PPP2R2B: variants seen among roughly 807,000 people sequenced by gnomAD.
The protein encoded by PPP2R2B is protein phosphatase 2 regulatory subunit Bbeta.
A neutral mutation model predicts 46.0 loss-of-function variants in PPP2R2B; 5 were observed. That is an observed-to-expected ratio of 0.11 (90% CI 0.06 to 0.23). The LOEUF (loss-of-function observed/expected upper bound fraction) is 0.23. Among genes scored for constraint, PPP2R2B ranks in the 10% least tolerant of loss-of-function variants. The pLI, the probability that PPP2R2B is intolerant of heterozygous loss-of-function variation, is 1.00. For synonymous variants in PPP2R2B, 215 were observed against 206.7 expected, an observed-to-expected ratio of 1.04 and a Z score of -0.34; for missense variants, 367 against 575.0, an observed-to-expected ratio of 0.64 and a Z score of 3.70.
intron 2 of PPP2R2B, among the ~76,000 whole-genome samples, chr5:146,717,299 C>G (rs1470783380): frequency 2.6e-5 from 4 of 152,190 alleles, no homozygotes; most frequent in Non-Finnish European, 5.9e-5. Context: ...TCCAAGGACT[C>G]TATTTTTGGG....
chr5:146,602,782 A>G (rs1771908478), intron 7 of PPP2R2B, among the ~76,000 whole-genome samples: 1 of 152,184 alleles, frequency 6.6e-6, no homozygotes, highest in African/African-American at 2.4e-5. Flanking sequence ...ACAGAAAAAC[A>G]TGGCTTATTA....
In PPP2R2B at chr5:146,829,495, A is replaced by G. The variant is rs184021794; in HGVS notation, c.70+48507T>C. ...AAATCACATTGTTCTTCTGAAGCCA[A>G]GCACAGCTAAAGGCAAGAGGCACAG... On this transcript the variant is annotated intron_variant, in intron 2 of 9. Coordinates refer to ENST00000394411, the MANE Select transcript of PPP2R2B (RefSeq NM_181675.4). Among the ~76,000 whole-genome samples the G allele has an allele frequency of 2.5e-4, 38 of 152,330 alleles. 1 individual carries two copies. Among genetic ancestry groups the G allele is most frequent in the Admixed American group, 1.8e-3 (27 of 15,304 alleles).
At chr5:147,072,576 C>T (rs75399437) in intron 2 of PPP2R2B, among the ~76,000 whole-genome samples, 7,573 of 152,098 alleles carry the variant, frequency 0.05, 334 homozygotes, top group African/African-American at 0.11. Flanking sequence ...TTTCCTCCAC[C>T]GTAAAATGGG....
intron 3 of PPP2R2B, among the ~76,000 whole-genome samples, chr5:146,698,432 A>G (rs1779334527): frequency 6.7e-6 from 1 of 149,900 alleles, no homozygotes; most frequent in Non-Finnish European, 1.5e-5. Flanking sequence ...ATTAAAATAG[A>G]ACAAAATTTT....
intron 1 of PPP2R2B, among the ~76,000 whole-genome samples, chr5:146,920,151 G>A (rs1250926370): frequency 1.3e-5 from 2 of 152,146 alleles, no homozygotes; most frequent in Non-Finnish European, 2.9e-5. Context: ...TACATTATAG[G>A]AATTATTTGG....
intron 1 of PPP2R2B, among the ~76,000 whole-genome samples, chr5:147,011,401 T>C (rs1052176291): frequency 6.6e-6 from 1 of 152,170 alleles, no homozygotes; most frequent in African/African-American, 2.4e-5. Context: ...TCACCATATA[T>C]ATCACAAATA....
intron 2 of PPP2R2B, among the ~76,000 whole-genome samples, chr5:146,744,442 C>A (rs1753054760): frequency 6.6e-6 from 1 of 152,212 alleles, no homozygotes; most frequent in Non-Finnish European, 1.5e-5. Flanking sequence ...AGAATTCATT[C>A]TCTTTCCTCC....
intron 5 of PPP2R2B, among the ~76,000 whole-genome samples, chr5:146,678,232 C>G (rs372466920): frequency 6.6e-6 from 1 of 152,012 alleles, no homozygotes; most frequent in East Asian, 1.9e-4. Flanking sequence ...GCAAGGCTGG[C>G]TCAATATACG....
intron 2 of PPP2R2B, among the ~76,000 whole-genome samples, chr5:146,867,213 CTGTAGTAAGATT>C (rs1331020131): frequency 2.4e-4 from 36 of 152,124 alleles, no homozygotes; most frequent in African/African-American, 8.4e-4. Context: ...TAGAAGTATT[CTGTAGTAAGATT>C]GCTTCTGCGA....
intron 6 of PPP2R2B, among the ~76,000 whole-genome samples, chr5:146,648,027 C>T (rs1775700535): frequency 6.6e-6 from 1 of 152,196 alleles, no homozygotes; most frequent in African/African-American, 2.4e-5. Context: ...CGGTTGAGTG[C>T]TCTCCATGGT....
chr5:146,727,423 T>C (rs1751944607), intron 2 of PPP2R2B, among the ~76,000 whole-genome samples: 1 of 152,142 alleles, frequency 6.6e-6, no homozygotes, highest in Admixed American at 6.6e-5. Context: ...ATAAAGCTAA[T>C]TAACATAACT....
chr5:146,677,015 A>G (rs1777772157), intron 5 of PPP2R2B, among the ~76,000 whole-genome samples: 1 of 150,724 alleles, frequency 6.6e-6, no homozygotes, highest in African/African-American at 2.5e-5. Flanking sequence ...TTCTATCTTA[A>G]TCTCTAACCT....
At chr5:146,955,436 A>G (rs1751846939) in intron 1 of PPP2R2B, among the ~76,000 whole-genome samples, 1 of 152,176 alleles carries the variant, frequency 6.6e-6, no homozygotes. Flanking sequence ...ATTCAGTTAT[A>G]CAATGTTTTA....
intron 2 of PPP2R2B, among the ~76,000 whole-genome samples, chr5:146,867,292 T>C (rs1191708778): frequency 1.3e-5 from 2 of 152,202 alleles, no homozygotes; most frequent in Non-Finnish European, 2.9e-5. Flanking sequence ...TCTTTGTCAT[T>C]TGGGGGACAG....
intron 1 of PPP2R2B, among the ~76,000 whole-genome samples, chr5:146,976,835 T>A (rs948193975): frequency 1.3e-5 from 2 of 152,198 alleles, no homozygotes; most frequent in Admixed American, 6.5e-5. Flanking sequence ...AATTTTACTA[T>A]GAATTTTTAG....
intron 2 of PPP2R2B, among the ~76,000 whole-genome samples, chr5:146,719,208 G>T (rs1247721311): frequency 4.6e-5 from 7 of 152,074 alleles, no homozygotes; most frequent in African/African-American, 1.4e-4. Context: ...CTCTCTCTCT[G>T]CCCCCTACTT....
At chr5:146,706,068 T>TC (rs1779825706) in intron 2 of PPP2R2B, among the ~76,000 whole-genome samples, 1 of 152,072 alleles carries the variant, frequency 6.6e-6, no homozygotes, top group South Asian at 2.1e-4. Context: ...GGCAGTGAAC[T>TC]CCCCCGCGGG....
intron 2 of PPP2R2B, among the ~76,000 whole-genome samples, chr5:146,869,890 A>C (rs1277045068): frequency 6.6e-6 from 1 of 152,198 alleles, no homozygotes; most frequent in East Asian, 1.9e-4. Context: ...CTACATAAGC[A>C]ATGTTAGTTT....
rs1022054358 is a variant in PPP2R2B, at chr5:147,051,257, C to A, written c.79+4408G>T. ...CTCTACCACTTCACTAGCTGTGGTT[C>A]TGAATAGGTTGCGTCTGAGTCAGTT... is the stretch of plus-strand genomic sequence containing the variant. On this transcript the variant is annotated intron_variant, in intron 1 of 8. Coordinates refer to the PPP2R2B transcript ENST00000336640. Among the ~76,000 whole-genome samples, 4 of 152,136 alleles carry A rather than the reference C, an allele frequency of 2.6e-5. 1 individual carries two copies. The East Asian group carries it at 7.7e-4, about 29-fold the overall frequency.
Sources: gnomAD v4.1 joint callset for allele counts (sites outside exome capture counted in the v4.1 genomes callset) on GRCh38, gnomAD v4.1.1 for gene constraint, MANE v1.5 for transcripts, NCBI Gene and HGNC (gene_info 2026-07-23, HGNC 2026-07-21) for gene names.